The following STK3 variants were observed in gnomAD, a reference collection of about 807,000 sequenced individuals.
STK3 encodes serine/threonine-protein kinase 3.
STK3 carries 41 observed loss-of-function variants against 58.0 expected under a neutral mutation model. The observed-to-expected ratio is 0.71, with a 90% CI of 0.55 to 0.92. The LOEUF (loss-of-function observed/expected upper bound fraction) is 0.92. Ranked by LOEUF, STK3 falls within the 40% of genes least tolerant of loss-of-function variation. The pLI is 0.00. For missense variants in STK3, 479 were observed against 602.7 expected, an observed-to-expected ratio of 0.79 and a Z score of 2.15; for synonymous variants, 170 against 191.0, an observed-to-expected ratio of 0.89 and a Z score of 0.91.
At chr8:98,524,190 T>C (rs1440089191) in intron 10 of STK3, among the ~76,000 whole-genome samples, 3 of 152,234 alleles carry the variant, frequency 2.0e-5, no homozygotes, top group Non-Finnish European at 4.4e-5. Flanking sequence ...ACTTCTCAGC[T>C]CTCTATTCCA....
At chr8:98,875,367 T>C (rs550772201) in intron 3 of STK3, 1 of 152,358 alleles carries the variant, frequency 6.6e-6, no homozygotes, top group Admixed American at 6.5e-5. Context: ...CATCCCCAAC[T>C]GCCTGTTGTC....
intron 1 of STK3, among the ~76,000 whole-genome samples, chr8:98,925,966 C>T (rs900956442): frequency 6.6e-5 from 10 of 152,138 alleles, no homozygotes; most frequent in African/African-American, 1.9e-4. Flanking sequence ...AGAGCCTCCT[C>T]ATAATCAGGA....
At chr8:98,768,199 C>A (rs528506393) in intron 2 of STK3, among the ~76,000 whole-genome samples, 16 of 152,236 alleles carry the variant, frequency 1.1e-4, no homozygotes, top group African/African-American at 3.6e-4. Flanking sequence ...TCAACCCTCA[C>A]AATCATAAGG....
chr8:98,668,583 T>C (rs1176058750), intron 6 of STK3, among the ~76,000 whole-genome samples: 1 of 152,184 alleles, frequency 6.6e-6, no homozygotes, highest in Non-Finnish European at 1.5e-5. Context: ...TTCCATTAAA[T>C]TGTATTTATA....
rs1287575532 is a variant in STK3 at position 98,584,368 on chromosome 8, G to A, written c.823-4579C>T. ...ACGGTGTTTGGTTTTTTGTTCTTGC[G>A]ATAGTTTACTGAGAATGATGATTTC... On this transcript the variant is annotated intron_variant, in intron 7 of 10. Coordinates refer to ENST00000419617, the MANE Select transcript of STK3 (RefSeq NM_006281.4). 3.3e-5 allele frequency among the ~76,000 whole-genome samples: 5 copies of A among 151,616 alleles called. No individual in the cohort carries two copies. In the East Asian group the frequency reaches 5.9e-4, roughly 18 times the overall value.
chr8:98,579,663 C>A lies in STK3; in HGVS notation c.948+1G>T. The A allele has an allele frequency of 6.2e-7, 1 of 1,601,762 alleles. No individual in the cohort carries two copies. Among genetic ancestry groups the A allele is most frequent in the South Asian group, 1.1e-5 (1 of 87,772 alleles). Reference sequence around the variant, plus strand: ...TCAACTTTTTGAAGATAATTACAAACCGAATTTTCTTCTTCCTCTTCCAAT... The same window carrying A: ...TCAACTTTTTGAAGATAATTACAAAACGAATTTTCTTCTTCCTCTTCCAAT... On this transcript the variant is annotated splice_donor_variant, in intron 8 of 10. Transcript: ENST00000419617. LOFTEE classifies it high-confidence loss of function.
intron 4 of STK3, among the ~76,000 whole-genome samples, chr8:98,713,879 C>A (rs577935658): frequency 2.9e-4 from 44 of 152,236 alleles, no homozygotes; most frequent in African/African-American, 1.0e-3. Context: ...CAAAAATCCT[C>A]AATAAAATAC....
chr8:98,440,738 A>C (rs1016713634), intron 1 of STK3, among the ~76,000 whole-genome samples: 1 of 152,254 alleles, frequency 6.6e-6, no homozygotes, highest in Non-Finnish European at 1.5e-5. Flanking sequence ...TGATGATGTT[A>C]ATAGCTAACA....
intron 6 of STK3, among the ~76,000 whole-genome samples, chr8:98,639,594 C>T (rs1819861185): frequency 6.6e-6 from 1 of 152,206 alleles, no homozygotes. Flanking sequence ...CAATAAGCTT[C>T]ATGACTATTA....
chr8:98,908,866 A>G (rs1443562534), intron 1 of STK3, among the ~76,000 whole-genome samples: 68 of 145,692 alleles, frequency 4.7e-4, no homozygotes, highest in African/African-American at 1.7e-3. Flanking sequence ...AAAAAAAAAG[A>G]AAAACAAGGC....
chr8:98,807,431 T>C (rs1833956569), intron 1 of STK3, among the ~76,000 whole-genome samples: 1 of 152,034 alleles, frequency 6.6e-6, no homozygotes, highest in Admixed American at 6.6e-5. Context: ...TAATTTTTTG[T>C]ATTTTTAGTA....
chr8:98,564,815 A>T (rs7818010), intron 8 of STK3, among the ~76,000 whole-genome samples: 47,875 of 151,936 alleles, frequency 0.32, 7,911 homozygotes, highest in East Asian at 0.45. Context: ...TAATATGGTA[A>T]CTTGATGGGT....
In STK3 at chr8:98,738,811, G is replaced by A. The variant is rs574488602; in HGVS notation, c.351+10465C>T. On this transcript the variant is annotated intron_variant, in intron 4 of 10. Coordinates refer to ENST00000419617, the MANE Select transcript of STK3 (RefSeq NM_006281.4). ...GCATTGCCTCACTCGGGAAGCGCAAGGGGTTCAGGGAGTTCCCTTTCCTAG... is the reference window on the plus strand; with the variant it reads ...GCATTGCCTCACTCGGGAAGCGCAAAGGGTTCAGGGAGTTCCCTTTCCTAG... 9.8e-5 allele frequency among the ~76,000 whole-genome samples: 15 copies of A among 152,302 alleles called. No homozygotes were observed. The East Asian group carries it at 1.2e-3, about 12-fold the overall frequency.
chr8:98,718,550 A>C (rs1827187144), intron 4 of STK3, among the ~76,000 whole-genome samples: 1 of 152,180 alleles, frequency 6.6e-6, no homozygotes, highest in Non-Finnish European at 1.5e-5. Context: ...CATGGCTCCT[A>C]AACATTTGAA....
At chr8:98,688,058 T>C (rs1383778865) in intron 6 of STK3, among the ~76,000 whole-genome samples, 1 of 152,078 alleles carries the variant, frequency 6.6e-6, no homozygotes. Context: ...ACAACACCCA[T>C]AGACTCATAG....
At chr8:98,443,950 A>T (rs1321745854) in intron 1 of STK3, among the ~76,000 whole-genome samples, 2 of 152,204 alleles carry the variant, frequency 1.3e-5, no homozygotes, top group East Asian at 3.8e-4. Flanking sequence ...AATAAATAAG[A>T]TTTCTTAACC....
chr8:98,520,406 C>T (rs910545736), intron 10 of STK3, among the ~76,000 whole-genome samples: 6 of 152,066 alleles, frequency 3.9e-5, no homozygotes, highest in African/African-American at 1.4e-4. Flanking sequence ...AAAGGAAGTA[C>T]ACAAATTCTA....
intron 1 of STK3, among the ~76,000 whole-genome samples, chr8:98,935,265 G>A (rs1840155632): frequency 6.6e-6 from 1 of 152,210 alleles, no homozygotes; most frequent in South Asian, 2.1e-4. Flanking sequence ...CTTGAAGTTG[G>A]TGAAAACACA....
chr8:98,691,789 G>A (rs1363545175), intron 6 of STK3, among the ~76,000 whole-genome samples: 3 of 151,880 alleles, frequency 2.0e-5, no homozygotes, highest in African/African-American at 7.3e-5. Flanking sequence ...AAAATTAGCT[G>A]GGCGTGGTGG....
Sources: allele counts gnomAD v4.1 joint callset (sites outside exome capture counted in the v4.1 genomes callset), GRCh38; gene constraint gnomAD v4.1.1; transcripts MANE v1.5; gene names NCBI Gene and HGNC (gene_info 2026-07-23, HGNC 2026-07-21).